CD109: variants seen among roughly 807,000 people sequenced by gnomAD.
CD109 encodes CD109 antigen.
A neutral mutation model predicts 165.8 loss-of-function variants in CD109; 149 were observed. The ratio of observed to expected loss-of-function variants is 0.90; its 90% CI spans 0.79 to 1.03. The LOEUF is 1.03. CD109 is among the 50% of genes least tolerant of loss of function. CD109 has a pLI of 0.00. For synonymous variants in CD109, 585 were observed against 592.1 expected (o/e 0.99, Z 0.18); for missense variants, 1,712 against 1,677.8 (o/e 1.02, Z -0.36).
In CD109 at chr6:73,823,467, C is replaced by T. The variant is rs142236574; in HGVS notation, c.4172C>T (p.Ala1391Val). 2.2e-4 allele frequency: 351 copies of T among 1,606,816 alleles called. No homozygotes were observed. Among genetic ancestry groups the T allele is most frequent in the Non-Finnish European group, 2.4e-4 (282 of 1,174,558 alleles). The part of the protein sequence containing the change: ...IVDYYEPRRQ[A>V]VRSYNSEVKL... ...CTGCTTCTTTGAACAGGGAGACAGGCGGTGAGAAGTTACAACTCTGAAGTG... is the reference window on the plus strand; with the variant it reads ...CTGCTTCTTTGAACAGGGAGACAGGTGGTGAGAAGTTACAACTCTGAAGTG... Residue 1391 changes from alanine to valine, a missense_variant, in exon 33 of 33, where the codon GCG becomes GTG. By Grantham distance (64) the Ala-to-Val change is moderately conservative. Coordinates refer to ENST00000287097, the MANE Select transcript of CD109 (RefSeq NM_133493.5).
intron 30 of CD109, among the ~76,000 whole-genome samples, chr6:73,817,933 A>T (rs1775994385): frequency 6.6e-6 from 1 of 152,150 alleles, no homozygotes; most frequent in Non-Finnish European, 1.5e-5. Context: ...GGTTGCTAAG[A>T]CCTTGGATGG....
intron 5 of CD109, among the ~76,000 whole-genome samples, chr6:73,756,386 G>A (rs1017629088): frequency 6.6e-6 from 1 of 152,028 alleles, no homozygotes; most frequent in Non-Finnish European, 1.5e-5. Context: ...TAAATGACCC[G>A]CAATGAATTA....
intron 5 of CD109, among the ~76,000 whole-genome samples, chr6:73,738,944 TC>T (rs1772647430): frequency 6.6e-6 from 1 of 152,344 alleles, no homozygotes; most frequent in South Asian, 2.1e-4. Context: ...ACTGTGTGCT[TC>T]CCTTAATTCA....
intron 24 of CD109, among the ~76,000 whole-genome samples, 181 bp downstream of exon 24, chr6:73,803,482 C>T (rs747715805): frequency 6.6e-6 from 1 of 152,024 alleles, no homozygotes; most frequent in Non-Finnish European, 1.5e-5. Context: ...ATTAACAAAT[C>T]AAATGTTTTT....
At chr6:73,772,219 C>A (rs1774062149) in intron 15 of CD109, among the ~76,000 whole-genome samples, 1 of 151,986 alleles carries the variant, frequency 6.6e-6, no homozygotes, top group Non-Finnish European at 1.5e-5. Flanking sequence ...TTACAGCACC[C>A]ATTGTGCCGG....
Position 73,788,349 on chromosome 6 carries a change from A to AAAT in CD109, c.2557-119_2557-118insAAT, listed in dbSNP as rs1289466996. ...ACAAAATAAGAAATGATAGGTGCCT[A>AAAT]TTTAGCCACACACAAACCTCAGACA... On this transcript the variant is annotated intron_variant, in intron 21 of 32. Transcript: ENST00000287097. 5 of 677,188 alleles carry AAAT rather than the reference A, an allele frequency of 7.4e-6. No homozygotes were observed. The Admixed American group carries it at 9.4e-5, about 13-fold the overall frequency. The allele number at this position is 677,188 out of a possible 1,614,324, so 41.9% of individuals were successfully genotyped here. A position where few individuals can be genotyped will look rare whatever the true frequency, so the allele number is the denominator to read the frequency against.
intron 23 of CD109, among the ~76,000 whole-genome samples, chr6:73,798,513 A>G (rs957828132): frequency 3.3e-5 from 5 of 152,040 alleles, no homozygotes; most frequent in African/African-American, 1.2e-4. Flanking sequence ...TAAGATGAGG[A>G]AGGAAACCTC....
chr6:73,754,925 G>C (rs1773330650), intron 5 of CD109, among the ~76,000 whole-genome samples: 1 of 152,150 alleles, frequency 6.6e-6, no homozygotes, highest in Non-Finnish European at 1.5e-5. Context: ...CTAATGCTGA[G>C]GACTGTGATT....
chr6:73,750,547 G>C (rs532210989), intron 5 of CD109, among the ~76,000 whole-genome samples: 1 of 152,234 alleles, frequency 6.6e-6, no homozygotes, highest in Admixed American at 6.5e-5. Context: ...CAGTGAAATG[G>C]GAGAGGCAGA....
intron 5 of CD109, among the ~76,000 whole-genome samples, chr6:73,738,271 T>A (rs1248899260): frequency 1.3e-5 from 2 of 152,212 alleles, no homozygotes; most frequent in African/African-American, 4.8e-5. Context: ...TCTGCCAACC[T>A]TTGAGGTGTT....
At position 73,756,635 on chromosome 6, in the gene CD109, C is replaced by T; in HGVS notation, c.634-8C>T. The T allele has an allele frequency of 6.5e-7, 1 of 1,536,604 alleles. No homozygotes were observed. The highest frequency in any genetic ancestry group is 8.8e-7 in the Non-Finnish European group (1 of 1,139,908). On this transcript the variant is annotated splice_polypyrimidine_tract_variant and splice_region_variant and intron_variant, in intron 5 of 32. Transcript: ENST00000287097. ...TTTCCTGTCTTTTTTTTCTCCCCTG[C>T]CCAATAGGACCAGACATACTATCAA...
At chr6:73,755,924 A>G (rs370611246) in intron 5 of CD109, among the ~76,000 whole-genome samples, 3 of 152,072 alleles carry the variant, frequency 2.0e-5, no homozygotes, top group East Asian at 1.9e-4. Context: ...TTGTGCCACT[A>G]TACTCCAGCC....
intron 17 of CD109, among the ~76,000 whole-genome samples, chr6:73,781,749 A>G (rs1388562563): frequency 4.9e-5 from 2 of 40,726 alleles, no homozygotes. Context: ...GTATTCTGGT[A>G]CACACACACA....
chr6:73,740,079 A>G (rs1262732902), intron 5 of CD109, among the ~76,000 whole-genome samples: 1 of 151,966 alleles, frequency 6.6e-6, no homozygotes, highest in Non-Finnish European at 1.5e-5. Context: ...GGGTCTTGTT[A>G]TGTTGCCCAG....
At chr6:73,790,527 A>G (rs1397598691) in intron 22 of CD109, among the ~76,000 whole-genome samples, 6 of 152,216 alleles carry the variant, frequency 3.9e-5, no homozygotes, top group Non-Finnish European at 7.3e-5. Context: ...GGCTCATGCA[A>G]TTATGGAGGC....
At chr6:73,712,346 C>A (rs1445792731) in intron 2 of CD109, among the ~76,000 whole-genome samples, 1 of 152,114 alleles carries the variant, frequency 6.6e-6, no homozygotes, top group African/African-American at 2.4e-5. Context: ...ATAAAGAGAT[C>A]AAAATTTTCA....
At chr6:73,725,813 T>C (rs1187077615) in intron 3 of CD109, among the ~76,000 whole-genome samples, 1 of 152,228 alleles carries the variant, frequency 6.6e-6, no homozygotes, top group Non-Finnish European at 1.5e-5. Flanking sequence ...GCGCCCAGCC[T>C]ACTATACTTC....
the CD109 span, among the ~76,000 whole-genome samples, chr6:73,682,863 A>G: frequency 4.0e-5 from 6 of 150,972 alleles, no homozygotes; most frequent in Non-Finnish European, 7.4e-5. Flanking sequence ...CTCTGAAACC[A>G]CGGCCCGAGC....
At chr6:73,698,340 CTTTT>C (rs1218429600) in intron 2 of CD109, among the ~76,000 whole-genome samples, 1 of 151,580 alleles carries the variant, frequency 6.6e-6, no homozygotes, top group Non-Finnish European at 1.5e-5. Context: ...GCATTTTTTT[CTTTT>C]TTTAGATTCT....
Sources: gnomAD v4.1 joint callset for allele counts (sites outside exome capture counted in the v4.1 genomes callset) on GRCh38, gnomAD v4.1.1 for gene constraint, MANE v1.5 for transcripts, NCBI Gene and HGNC (gene_info 2026-07-23, HGNC 2026-07-21) for gene names.